Variants in ME1 observed in about 807,000 individuals in gnomAD.
ME1 encodes the protein malic enzyme 1.
A neutral mutation model predicts 66.4 loss-of-function variants in ME1; 74 were observed. That is an observed-to-expected ratio of 1.11 (90% CI 0.92 to 1.35). The LOEUF (loss-of-function observed/expected upper bound fraction) is 1.35, where lower values mean the gene tolerates loss of function less well. Among genes scored for constraint, ME1 ranks in the 40% most tolerant of loss-of-function variants. The pLI is 0.00. For synonymous variants in ME1, 251 were observed against 235.6 expected (o/e 1.07, Z -0.60); for missense variants, 750 against 694.1 (o/e 1.08, Z -0.90).
intron 1 of ME1, among the ~76,000 whole-genome samples, chr6:83,411,153 C>T (rs1001189325): frequency 1.3e-5 from 2 of 152,042 alleles, no homozygotes; most frequent in Admixed American, 6.6e-5. Flanking sequence ...CCAGGGCAGG[C>T]GGGAGTTTGA....
At chr6:83,280,022 A>T (rs928277884) in intron 6 of ME1, among the ~76,000 whole-genome samples, 2 of 152,180 alleles carry the variant, frequency 1.3e-5, no homozygotes, top group Admixed American at 6.5e-5. Context: ...GCATCATGTA[A>T]TACACTGATA....
intron 10 of ME1, among the ~76,000 whole-genome samples, chr6:83,227,790 A>G (rs1375439682): frequency 1.3e-5 from 2 of 152,214 alleles, no homozygotes; most frequent in Non-Finnish European, 2.9e-5. Context: ...AACTTTCTTT[A>G]TAAGCAATTC....
At chr6:83,387,993 T>C (rs990171272) in intron 3 of ME1, among the ~76,000 whole-genome samples, 2 of 152,116 alleles carry the variant, frequency 1.3e-5, no homozygotes, top group Admixed American at 6.6e-5. Flanking sequence ...TAGACCCTTC[T>C]ACTTGGAAGT....
At chr6:83,261,492 T>G (rs1034845647) in intron 6 of ME1, among the ~76,000 whole-genome samples, 7 of 151,778 alleles carry the variant, frequency 4.6e-5, no homozygotes, top group Non-Finnish European at 1.0e-4. Flanking sequence ...TTTTTGCTTT[T>G]GTTGTGATTG....
At chr6:83,306,007 C>T (rs927620163) in intron 6 of ME1, among the ~76,000 whole-genome samples, 3 of 152,038 alleles carry the variant, frequency 2.0e-5, no homozygotes, top group Non-Finnish European at 4.4e-5. Flanking sequence ...TGTCTATAAA[C>T]ACACGTAAAT....
intron 9 of ME1, among the ~76,000 whole-genome samples, chr6:83,232,476 T>C (rs911756629): frequency 5.3e-5 from 8 of 152,226 alleles, no homozygotes; most frequent in Admixed American, 1.3e-4. Context: ...TTTAATTTTG[T>C]ATGTTAAAAA....
At chr6:83,327,559 C>T (rs1399014091) in intron 5 of ME1, among the ~76,000 whole-genome samples, 1 of 152,112 alleles carries the variant, frequency 6.6e-6, no homozygotes, top group Non-Finnish European at 1.5e-5. Flanking sequence ...GAGGAAATTC[C>T]CGCCTAACAA....
At chr6:83,264,720 T>C (rs1380983949) in intron 6 of ME1, among the ~76,000 whole-genome samples, 2 of 152,200 alleles carry the variant, frequency 1.3e-5, no homozygotes, top group Non-Finnish European at 2.9e-5. Flanking sequence ...AGCTTGAAGA[T>C]GGGACTGAAT....
At chr6:83,321,104 G>A (rs1768164315) in intron 5 of ME1, among the ~76,000 whole-genome samples, 1 of 152,152 alleles carries the variant, frequency 6.6e-6, no homozygotes, top group African/African-American at 2.4e-5. Context: ...CCTGCCCTGA[G>A]CGACTATGCA....
intron 3 of ME1, among the ~76,000 whole-genome samples, chr6:83,384,559 A>T (rs1769473378): frequency 6.6e-6 from 1 of 151,930 alleles, no homozygotes; most frequent in South Asian, 2.1e-4. Context: ...GCTTTGTCAG[A>T]TGCATAGTTT....
At chr6:83,428,574 A>C (rs1451392023) in intron 1 of ME1, among the ~76,000 whole-genome samples, 1 of 152,182 alleles carries the variant, frequency 6.6e-6, no homozygotes, top group Non-Finnish European at 1.5e-5. Flanking sequence ...TTACAAAATA[A>C]TAAGAATAAA....
chr6:83,281,232 T>C (rs1338033197), intron 6 of ME1, among the ~76,000 whole-genome samples: 1 of 152,210 alleles, frequency 6.6e-6, no homozygotes, highest in Admixed American at 6.5e-5. Context: ...ATGTTTAATA[T>C]AACCTTTCAA....
chr6:83,228,235 G>T (rs1790235485), intron 10 of ME1, among the ~76,000 whole-genome samples: 1 of 152,186 alleles, frequency 6.6e-6, no homozygotes, highest in Non-Finnish European at 1.5e-5. Flanking sequence ...TGTAAGTACT[G>T]TATTAAGTGC....
intron 6 of ME1, among the ~76,000 whole-genome samples, chr6:83,311,325 G>A (rs551722525): frequency 6.6e-6 from 1 of 152,302 alleles, no homozygotes; most frequent in Admixed American, 6.5e-5. Context: ...TGGAACCTAG[G>A]AAAAGGGAGA....
intron 3 of ME1, among the ~76,000 whole-genome samples, chr6:83,383,144 A>G (rs148486905): frequency 2.0e-5 from 3 of 151,970 alleles, no homozygotes; most frequent in African/African-American, 7.3e-5. Flanking sequence ...ATATACATAC[A>G]TACATACACA....
intron 3 of ME1, among the ~76,000 whole-genome samples, chr6:83,385,611 A>T (rs972603635): frequency 6.6e-6 from 1 of 151,946 alleles, no homozygotes; most frequent in Non-Finnish European, 1.5e-5. Flanking sequence ...GAAGATTTAT[A>T]CGTCTACGCA....
rs67833462 is a variant in ME1, at chr6:83,414,126, A to AC, written c.79-6226_79-6225insG. On this transcript the variant is annotated intron_variant, in intron 1 of 13. Coordinates refer to ENST00000369705, the MANE Select transcript of ME1 (RefSeq NM_002395.6). ...ACCCCATCTTGAAAAAAAAAAAAAA[A>AC]AAAAACTAAAAAAATTTATTTTTAT... is the stretch of plus-strand genomic sequence containing the variant. 9.6e-3 allele frequency among the ~76,000 whole-genome samples: 756 copies of AC among 78,802 alleles called. 20 individuals carry two copies. The highest frequency in any genetic ancestry group is 0.084 in the Admixed American group (562 of 6,722). 51.7% of individuals were successfully genotyped at this position (78,802 alleles called of 152,430 possible).
At chr6:83,305,734 C>T (rs1562475817) in intron 6 of ME1, among the ~76,000 whole-genome samples, 1 of 152,082 alleles carries the variant, frequency 6.6e-6, no homozygotes, top group Non-Finnish European at 1.5e-5. Context: ...ATGTTAGGTC[C>T]AGATACGATA....
chr6:83,232,599 A>G (rs1399011300), intron 9 of ME1, among the ~76,000 whole-genome samples: 2 of 152,212 alleles, frequency 1.3e-5, no homozygotes, highest in Non-Finnish European at 2.9e-5. Flanking sequence ...GGAGAAAACA[A>G]TCAAGCCAGA....
Sources: allele counts gnomAD v4.1 joint callset (sites outside exome capture counted in the v4.1 genomes callset), GRCh38; gene constraint gnomAD v4.1.1; transcripts MANE v1.5; gene names NCBI Gene and HGNC (gene_info 2026-07-23, HGNC 2026-07-21).